KDM4B: variants seen among roughly 807,000 people sequenced by gnomAD.
KDM4B encodes the protein lysine-specific demethylase 4B.
A neutral mutation model predicts 125.2 loss-of-function variants in KDM4B; 32 were observed. That is an observed-to-expected ratio of 0.26 (90% CI 0.19 to 0.34). KDM4B has a LOEUF of 0.34. Ranked by LOEUF, KDM4B falls within the 10% of genes least tolerant of loss-of-function variation. The probability of loss-of-function intolerance (pLI) is 1.00; values close to 1 mark genes in which losing one functional copy is unlikely to be tolerated. For missense variants in KDM4B, 1,190 were observed against 1,577.7 expected (o/e 0.75, Z 4.16); for synonymous variants, 721 against 677.9 (o/e 1.06, Z -0.99).
chr19:5,108,143 C>G (rs548957837), intron 9 of KDM4B, among the ~76,000 whole-genome samples: 1 of 152,248 alleles, frequency 6.6e-6, no homozygotes, highest in African/African-American at 2.4e-5. Context: ...GCCTGTCCCC[C>G]CTCCACGGGT....
At chr19:4,996,715 C>T (rs1204465902) in intron 1 of KDM4B, among the ~76,000 whole-genome samples, 1 of 152,324 alleles carries the variant, frequency 6.6e-6, no homozygotes, top group East Asian at 1.9e-4. Context: ...TCCTTATAAC[C>T]TGTCTCCTCG....
chr19:5,049,172 A>G (rs2145715644), intron 6 of KDM4B, among the ~76,000 whole-genome samples: 2 of 152,208 alleles, frequency 1.3e-5, no homozygotes, highest in Middle Eastern at 6.8e-3. Context: ...GGGCCCGGCC[A>G]CAGGCCGTCG....
rs551102006 is a variant in KDM4B at position 4,997,514 on chromosome 19, G to A, written c.-108-18743G>A. ...TACCCAGTGGGTGGCGCTCAGGTCT[G>A]CAGCTGCCTCCTTGGCTCCCCGGTT... On this transcript the variant is annotated intron_variant, in intron 1 of 22. Transcript: ENST00000159111. The surrounding 1 kb of genome is among the most constrained non-coding windows in gnomAD (Gnocchi z 4.2). 1.7e-4 allele frequency among the ~76,000 whole-genome samples: 26 copies of A among 152,314 alleles called. No homozygotes were observed. Among genetic ancestry groups the A allele is most frequent in the Admixed American group, 1.1e-3 (17 of 15,306 alleles).
In KDM4B at chr19:4,989,658, C is replaced by CT. The variant is rs111275194; in HGVS notation, c.-109+20438dup. ...GCCCAGTCTTCTTCTTCTTCTTCTT[C>CT]TTTTTTTTTTGTGAGATGGAGTTTC... On this transcript the variant is annotated intron_variant, in intron 1 of 22. Transcript: ENST00000159111. Among the ~76,000 whole-genome samples, 675 of 144,524 alleles carry CT rather than the reference C, an allele frequency of 4.7e-3. 8 individuals are homozygous for CT. Among genetic ancestry groups the CT allele is most frequent in the African/African-American group, 0.014 (567 of 39,458 alleles). 94.8% of individuals were successfully genotyped at this position (144,524 alleles called of 152,430 possible). A position where few individuals can be genotyped will look rare whatever the true frequency, so the allele number is the denominator to read the frequency against.
intron 9 of KDM4B, among the ~76,000 whole-genome samples, chr19:5,099,563 A>G (rs1599182741): frequency 6.6e-6 from 1 of 152,260 alleles, no homozygotes; most frequent in Non-Finnish European, 1.5e-5. Context: ...ATGGCAGGTT[A>G]GCATCCAAGA....
At chr19:4,998,067 G>T (rs930517749) in intron 1 of KDM4B, among the ~76,000 whole-genome samples, 1 of 152,226 alleles carries the variant, frequency 6.6e-6, no homozygotes, top group African/African-American at 2.4e-5. Context: ...TCTGCCAGGG[G>T]TTGCCTCCTG....
chr19:5,134,563 T>G (rs1029299793), intron 14 of KDM4B, among the ~76,000 whole-genome samples: 1 of 152,186 alleles, frequency 6.6e-6, no homozygotes, highest in African/African-American at 2.4e-5. Context: ...ATCCCAGGCA[T>G]CAGCACCCAG....
chr19:5,030,612 C>G (rs986693317), intron 2 of KDM4B, among the ~76,000 whole-genome samples: 1 of 152,208 alleles, frequency 6.6e-6, no homozygotes, highest in African/African-American at 2.4e-5. Flanking sequence ...GCTGGGTGCA[C>G]GAGGGTCCCA....
At chr19:5,131,816 G>A in intron 12 of KDM4B, 71 bp from the exon 13 acceptor site, 2 of 1,600,218 alleles carry the variant, frequency 1.2e-6, no homozygotes, top group South Asian at 1.1e-5. Context: ...CCGAGCCCCT[G>A]TGTGGCTCCG....
Position 5,081,774 on chromosome 19 carries a change from C to T in KDM4B, c.781-593C>T, listed in dbSNP as rs1288866428. ...AAGATGGCTTGGGATGGCGGCGTGT[C>T]GCAGGCCCCTTCCTGGCGTGTTTTG... On this transcript the variant is annotated intron_variant, in intron 8 of 22. Transcript: ENST00000159111. This position sits in a 1 kb window ranked among gnomAD's most constrained non-coding sequence, Gnocchi z 4.2. Among the ~76,000 whole-genome samples, 2 of 152,162 alleles carry T rather than the reference C, an allele frequency of 1.3e-5. No homozygotes were observed. Among genetic ancestry groups the T allele is most frequent in the East Asian group, 1.9e-4 (1 of 5,180 alleles).
intron 11 of KDM4B, among the ~76,000 whole-genome samples, chr19:5,124,673 G>A (rs1227992285): frequency 1.3e-5 from 2 of 152,172 alleles, no homozygotes; most frequent in South Asian, 2.1e-4. Context: ...CTCAGCTCAT[G>A]CAACCTCTAC....
intron 2 of KDM4B, among the ~76,000 whole-genome samples, chr19:5,021,154 A>G (rs72990142): frequency 1.1e-4 from 16 of 148,004 alleles, no homozygotes; most frequent in Admixed American, 1.3e-4. Context: ...AAAAAAAAAA[A>G]AAAGAAAGAA....
chr19:5,048,507 G>T (rs1050751135), intron 6 of KDM4B, among the ~76,000 whole-genome samples: 1 of 152,074 alleles, frequency 6.6e-6, no homozygotes, highest in Non-Finnish European at 1.5e-5. Context: ...TTCCCAGGCC[G>T]TCCTCGCGCT....
chr19:5,061,111 A>G (rs2037581771), intron 6 of KDM4B, among the ~76,000 whole-genome samples: 1 of 152,090 alleles, frequency 6.6e-6, no homozygotes, highest in South Asian at 2.1e-4. Context: ...GGCCCAGGAG[A>G]GCAGGGCGGG....
intron 21 of KDM4B, among the ~76,000 whole-genome samples, chr19:5,147,096 C>G (rs955617220): frequency 6.6e-6 from 1 of 150,990 alleles, no homozygotes; most frequent in Non-Finnish European, 1.5e-5. Context: ...GACTGGACTC[C>G]GAGGAGGGGA....
At chr19:5,061,038 G>A (rs927785778) in intron 6 of KDM4B, among the ~76,000 whole-genome samples, 2 of 152,208 alleles carry the variant, frequency 1.3e-5, no homozygotes, top group Non-Finnish European at 2.9e-5. Context: ...TATGAAGTTC[G>A]CACGGATCCT....
Position 5,065,287 on chromosome 19 carries a change from C to T in KDM4B, c.627-5723C>T, listed in dbSNP as rs542566937. Among the ~76,000 whole-genome samples, 9 of 152,232 alleles carry T rather than the reference C, an allele frequency of 5.9e-5. No individual in the cohort carries two copies. The East Asian group carries it at 7.7e-4, about 13-fold the overall frequency. On this transcript the variant is annotated intron_variant, in intron 6 of 22. Coordinates refer to ENST00000159111, the MANE Select transcript of KDM4B (RefSeq NM_015015.3). ...TGTGACCCCAAGCCCGTCTGCTCACCGTCATCGTAGCTAAGGGCTCCCTGG... is the reference window on the plus strand; with the variant it reads ...TGTGACCCCAAGCCCGTCTGCTCACTGTCATCGTAGCTAAGGGCTCCCTGG...
rs185951810 is a variant in KDM4B at position 5,135,009 on chromosome 19, G to A, written c.2086-330G>A. Among the ~76,000 whole-genome samples, 6 of 152,302 alleles carry A rather than the reference G, an allele frequency of 3.9e-5. No homozygotes were observed. In the East Asian group the frequency reaches 9.7e-4, roughly 25 times the overall value. Reference sequence around the variant, plus strand: ...CTTGCCAGGCAGAGTGTGGAGACTCGTTCATCACACACCACCCCCAGCATA... The same window carrying A: ...CTTGCCAGGCAGAGTGTGGAGACTCATTCATCACACACCACCCCCAGCATA... On this transcript the variant is annotated intron_variant, in intron 14 of 22. Transcript: ENST00000159111.
At chr19:5,027,187 C>T (rs918979616) in intron 2 of KDM4B, among the ~76,000 whole-genome samples, 6 of 152,246 alleles carry the variant, frequency 3.9e-5, no homozygotes, top group African/African-American at 9.6e-5. Flanking sequence ...GAAGCCGGTA[C>T]GGTTGCCCTG....
Sources: allele counts gnomAD v4.1 joint callset (sites outside exome capture counted in the v4.1 genomes callset), GRCh38; gene constraint gnomAD v4.1.1; non-coding constraint Gnocchi (gnomAD v3.1); transcripts MANE v1.5; gene names NCBI Gene and HGNC (gene_info 2026-07-23, HGNC 2026-07-21).